Variants in CSNK2A2 observed in about 807,000 individuals in gnomAD.
The protein encoded by CSNK2A2 is casein kinase 2 alpha 2.
A neutral mutation model predicts 54.0 loss-of-function variants in CSNK2A2; 8 were observed. The observed-to-expected ratio is 0.15, with a 90% CI of 0.09 to 0.27. The LOEUF is 0.27. Ranked by LOEUF, CSNK2A2 falls within the 10% of genes least tolerant of loss-of-function variation. CSNK2A2 has a pLI of 1.00. For missense variants in CSNK2A2, 242 were observed against 439.4 expected (o/e 0.55, Z 4.02); for synonymous variants, 141 against 153.9 (o/e 0.92, Z 0.62).
intron 3 of CSNK2A2, among the ~76,000 whole-genome samples, chr16:58,185,015 G>A (rs1246279492): frequency 6.6e-6 from 1 of 152,126 alleles, no homozygotes; most frequent in Non-Finnish European, 1.5e-5. Context: ...TTAATCCAAT[G>A]AGTACAAAAG....
At chr16:58,164,365 T>A (rs1187963114) in intron 10 of CSNK2A2, among the ~76,000 whole-genome samples, 2 of 152,198 alleles carry the variant, frequency 1.3e-5, no homozygotes, top group Non-Finnish European at 2.9e-5. Context: ...ACTCTTACCC[T>A]TCCTCGGAGT....
intron 5 of CSNK2A2, among the ~76,000 whole-genome samples, chr16:58,169,710 A>G (rs1043917787): frequency 6.6e-6 from 1 of 152,080 alleles, no homozygotes; most frequent in African/African-American, 2.4e-5. Context: ...ATGACCAAGT[A>G]TTAGTATTTT....
chr16:58,185,942 A>G (rs549264104), intron 3 of CSNK2A2, among the ~76,000 whole-genome samples: 3 of 152,378 alleles, frequency 2.0e-5, no homozygotes, highest in African/African-American at 7.2e-5. Flanking sequence ...GTAAGCACTC[A>G]GTGCATGTTA....
intron 2 of CSNK2A2, among the ~76,000 whole-genome samples, chr16:58,190,838 T>C (rs1962306276): frequency 1.3e-5 from 2 of 152,222 alleles, no homozygotes; most frequent in South Asian, 4.1e-4. Context: ...AAAACATTAA[T>C]CATAGAATTA....
intron 11 of CSNK2A2, 77 bp downstream of exon 11, chr16:58,163,977 T>C (rs934073354): frequency 3.5e-6 from 4 of 1,134,594 alleles, no homozygotes; most frequent in Non-Finnish European, 5.2e-6. Flanking sequence ...AGAATTTCTT[T>C]TTATCACACT....
chr16:58,179,145 A>C (rs1961957534), intron 4 of CSNK2A2, among the ~76,000 whole-genome samples: 2 of 152,184 alleles, frequency 1.3e-5, no homozygotes, highest in Non-Finnish European at 2.9e-5. Context: ...TTTACAAGTG[A>C]CGTATCATAA....
At chr16:58,194,098 A>C (rs1218040831) in intron 2 of CSNK2A2, among the ~76,000 whole-genome samples, 3 of 152,234 alleles carry the variant, frequency 2.0e-5, no homozygotes, top group Non-Finnish European at 4.4e-5. Flanking sequence ...CTACAAAAGT[A>C]AGACCACTTG....
At chr16:58,193,621 A>G (rs2142452774) in intron 2 of CSNK2A2, among the ~76,000 whole-genome samples, 1 of 152,366 alleles carries the variant, frequency 6.6e-6, no homozygotes, top group East Asian at 1.9e-4. Context: ...ACTGAAATCT[A>G]CACACACAGG....
At chr16:58,178,027 G>A (rs1459193509) in intron 4 of CSNK2A2, among the ~76,000 whole-genome samples, 6 of 152,044 alleles carry the variant, frequency 3.9e-5, no homozygotes, top group South Asian at 2.1e-4. Flanking sequence ...TAACATACAC[G>A]ACATAATATA....
chr16:58,184,744 A>G (rs1962146061), intron 3 of CSNK2A2, among the ~76,000 whole-genome samples: 1 of 152,248 alleles, frequency 6.6e-6, no homozygotes, highest in Non-Finnish European at 1.5e-5. Flanking sequence ...CCAGTCTGCC[A>G]TATACAAAAA....
At chr16:58,190,787 G>A (rs1011015471) in intron 2 of CSNK2A2, among the ~76,000 whole-genome samples, 2 of 152,228 alleles carry the variant, frequency 1.3e-5, no homozygotes, top group Admixed American at 6.5e-5. Context: ...GTACACTGCA[G>A]TCAGAATGTA....
intron 4 of CSNK2A2, among the ~76,000 whole-genome samples, chr16:58,182,468 T>G (rs1046786912): frequency 1.4e-5 from 2 of 139,314 alleles, no homozygotes; most frequent in Admixed American, 1.4e-4. Flanking sequence ...AGCAGGAGAA[T>G]TGATTGAACC....
intron 4 of CSNK2A2, among the ~76,000 whole-genome samples, chr16:58,183,433 C>T (rs146262424): frequency 2.0e-5 from 3 of 151,898 alleles, no homozygotes; most frequent in Admixed American, 6.6e-5. Context: ...CAGAACCATC[C>T]GTCCTGATAC....
chr16:58,172,476 T>TAA (rs1197305137), intron 5 of CSNK2A2, among the ~76,000 whole-genome samples: 2 of 152,200 alleles, frequency 1.3e-5, no homozygotes, highest in Admixed American at 6.5e-5. Flanking sequence ...TCAAAGGAGT[T>TAA]AAATATTTAG....
chr16:58,166,835 A>G, intron 8 of CSNK2A2, 151 bp from the exon 9 acceptor site: 1 of 611,834 alleles, frequency 1.6e-6, no homozygotes, highest in Non-Finnish European at 2.9e-6. Context: ...AGACAGACCC[A>G]AGGACAAGAA....
intron 4 of CSNK2A2, among the ~76,000 whole-genome samples, chr16:58,177,307 A>C (rs1961909010): frequency 6.6e-6 from 1 of 152,260 alleles, no homozygotes. Context: ...CCTTCTTCTT[A>C]GCCAGCTACA....
At chr16:58,175,327 A>T (rs867404369) in intron 4 of CSNK2A2, among the ~76,000 whole-genome samples, 1 of 152,228 alleles carries the variant, frequency 6.6e-6, no homozygotes, top group Non-Finnish European at 1.5e-5. Flanking sequence ...TTTGATATCC[A>T]ATCAAATCCA....
chr16:58,181,398 T>C (rs946075745), intron 4 of CSNK2A2, among the ~76,000 whole-genome samples: 1 of 152,146 alleles, frequency 6.6e-6, no homozygotes, highest in African/African-American at 2.4e-5. Context: ...CTGCACAACA[T>C]TCCCCATGGT....
chr16:58,183,184 A>T (rs1962102422), intron 4 of CSNK2A2, among the ~76,000 whole-genome samples: 1 of 150,798 alleles, frequency 6.6e-6, no homozygotes, highest in Non-Finnish European at 1.5e-5. Flanking sequence ...ACATGGTGAA[A>T]CCCCGTCTCT....
Sources: allele counts gnomAD v4.1 joint callset (sites outside exome capture counted in the v4.1 genomes callset), GRCh38; gene constraint gnomAD v4.1.1; transcripts MANE v1.5; gene names NCBI Gene and HGNC (gene_info 2026-07-23, HGNC 2026-07-21).